SERPINB6: variants seen among roughly 807,000 people sequenced by gnomAD.
SERPINB6 encodes the protein serpin B6.
Under a neutral mutation model 26.1 loss-of-function variants are expected in SERPINB6, and 16 were observed. That is an observed-to-expected ratio of 0.61 (90% CI 0.42 to 0.93). The LOEUF is 0.93. SERPINB6 is among the 40% of genes least tolerant of loss of function. SERPINB6 has a pLI of 0.00. For missense variants in SERPINB6, 420 were observed against 478.0 expected (o/e 0.88, Z 1.13); for synonymous variants, 174 against 176.6 (o/e 0.99, Z 0.11).
At position 2,959,390 on chromosome 6, in the gene SERPINB6, G is replaced by A. The variant is rs1355762721; in HGVS notation, c.-10-48C>T. On this transcript the variant is annotated intron_variant, in intron 1 of 6. Coordinates refer to ENST00000380539, the MANE Select transcript of SERPINB6 (RefSeq NM_004568.6). ...TATCACTTAAGCACAGCTTCCACGC[G>A]ACTGCATCTCACGCGCCTTACCGAC... 15 of 1,592,962 alleles carry A rather than the reference G, an allele frequency of 9.4e-6. No homozygotes were observed. The South Asian group carries it at 9.9e-5, about 11-fold the overall frequency.
rs776835532 is a variant in SERPINB6 at position 2,948,312 on chromosome 6, A to G, written c.1117T>C (p.Phe373Leu). The change falls in exon 7 of 7, where the codon TTT (phenylalanine) becomes CTT (leucine). Residue 373 changes from phenylalanine to leucine, a missense_variant. Phe to Leu is a conservative substitution (Grantham distance 22, BLOSUM62 0). Coordinates refer to ENST00000380539, the MANE Select transcript of SERPINB6 (RefSeq NM_004568.6). The surrounding 1 kb of genome is among the most constrained non-coding windows in gnomAD (Gnocchi z 5.0). Reference sequence around the variant, plus strand: ...CTGCCCTGTCCTCACGGAGAGGAAAAGCGGCCGCAGAAGAGAATCCCGTTG... The same window carrying G: ...CTGCCCTGTCCTCACGGAGAGGAAAGGCGGCCGCAGAAGAGAATCCCGTTG... ...KTNGILFCGR[F>L]SSP 3 of 1,613,560 alleles carry G rather than the reference A, an allele frequency of 1.9e-6. No individual in the cohort carries two copies. In the African/African-American group the frequency reaches 4.0e-5, roughly 22 times the overall value.
intron 4 of SERPINB6, among the ~76,000 whole-genome samples, chr6:2,953,708 ACCTGTAGTC>A (rs1770087543): frequency 6.6e-6 from 1 of 152,038 alleles, no homozygotes; most frequent in African/African-American, 2.4e-5. Context: ...TGGTGGTGCT[ACCTGTAGTC>A]CCAATTACTT....
chr6:2,968,962 G>A, intron 1 of SERPINB6: 1 of 1,222,262 alleles, frequency 8.2e-7, no homozygotes, highest in Admixed American at 4.3e-5. Flanking sequence ...GGCTTCTACT[G>A]GATCTGTAAT....
rs267600931 is a variant in SERPINB6, at chr6:2,954,659, A to G, written c.363T>C (p.Leu121=). 7 of 1,614,092 alleles carry G rather than the reference A, an allele frequency of 4.3e-6. No individual in the cohort carries two copies. Among genetic ancestry groups the G allele is most frequent in the Non-Finnish European group, 5.9e-6 (7 of 1,180,016 alleles). Residue 121 remains leucine (L), a synonymous_variant, in exon 4 of 7, where the codon CTT becomes CTC. Transcript: ENST00000380539. ...QKFYQAEMEE[L]DFISAVEKSR... ...ACTTCTCTACGGCGCTGATAAAGTC[A>G]AGCTCCTCCATCTCTGCTTGGTAGA...
At chr6:2,968,946 T>C (rs982857263) in intron 1 of SERPINB6, 2 of 1,222,414 alleles carry the variant, frequency 1.6e-6, no homozygotes, top group East Asian at 6.4e-5. Context: ...CAGATGGGGG[T>C]CGGGGGGCTT....
At chr6:2,970,978 C>A in intron 1 of SERPINB6, 2 of 1,169,672 alleles carry the variant, frequency 1.7e-6, no homozygotes, top group Non-Finnish European at 2.1e-6. Flanking sequence ...CCGGATGGCA[C>A]CGTTTGGCGC....
intron 5 of SERPINB6, among the ~76,000 whole-genome samples, chr6:2,950,351 G>A (rs1432915984): frequency 6.6e-6 from 1 of 151,974 alleles, no homozygotes; most frequent in Admixed American, 6.6e-5. Flanking sequence ...TGGCCAACAT[G>A]GTGAAACCCC....
chr6:2,958,575 G>A (rs1182187440), intron 2 of SERPINB6, among the ~76,000 whole-genome samples: 1 of 87,470 alleles, frequency 1.1e-5, no homozygotes, highest in Non-Finnish European at 3.0e-5. Context: ...AGGCCCCAGC[G>A]GAGAAGGCCA....
chr6:2,968,025 A>G (rs1476734174), intron 1 of SERPINB6: 1 of 152,268 alleles, frequency 6.6e-6, no homozygotes, highest in Non-Finnish European at 1.5e-5. Flanking sequence ...CACTATTCAC[A>G]ATAGCAAAGA....
At position 2,955,604 on chromosome 6, in the gene SERPINB6, C is replaced by T. The variant is rs751225761; in HGVS notation, c.232G>A (p.Glu78Lys). Residue 78 changes from glutamate (E) to lysine (K), a missense_variant, in exon 3 of 7, where the codon GAA (glutamate) becomes AAA (lysine). Coordinates refer to ENST00000380539, the MANE Select transcript of SERPINB6 (RefSeq NM_004568.6). Reference protein sequence around the residue: ...IHQGFQSLLTEVNKTGTQYLL... With the variant: ...IHQGFQSLLTKVNKTGTQYLL... ...TACTGCGTGCCAGTCTTGTTCACTTCGGTGAGAAGAGACTGGAAGCCCTGG... is the reference window on the plus strand; with the variant it reads ...TACTGCGTGCCAGTCTTGTTCACTTTGGTGAGAAGAGACTGGAAGCCCTGG... 21 of 1,614,072 alleles carry T rather than the reference C, an allele frequency of 1.3e-5. No individual in the cohort carries two copies. The highest frequency in any genetic ancestry group is 8.0e-5 in the African/African-American group (6 of 74,910).
chr6:2,950,676 G>C (rs1466123705), intron 5 of SERPINB6, among the ~76,000 whole-genome samples: 1 of 152,150 alleles, frequency 6.6e-6, no homozygotes, highest in Admixed American at 6.5e-5. Context: ...ACCAACCCCA[G>C]CCAGCCAATG....
chr6:2,953,263 T>C, intron 4 of SERPINB6, 77 bp from the exon 5 acceptor site: 1 of 1,592,350 alleles, frequency 6.3e-7, no homozygotes, highest in Non-Finnish European at 8.6e-7. Flanking sequence ...GGCTGGGGCC[T>C]TCTCCTTCAG....
At position 2,955,584 on chromosome 6, in the gene SERPINB6, C is replaced by A. The variant is rs764205718; in HGVS notation, c.252G>T (p.Thr84=). 10 of 1,614,110 alleles carry A rather than the reference C, an allele frequency of 6.2e-6. No homozygotes were observed. Among genetic ancestry groups the A allele is most frequent in the African/African-American group, 2.7e-5 (2 of 74,942 alleles). Residue 84 remains threonine, a synonymous_variant, in exon 3 of 7, where the codon ACG becomes ACT. Coordinates refer to ENST00000380539, the MANE Select transcript of SERPINB6 (RefSeq NM_004568.6). ...SLLTEVNKTG[T]QYLLRMANRL... The stretch of plus-strand genomic sequence containing the variant: ...TGTTGGCCATCCTAAGCAAGTACTG[C>A]GTGCCAGTCTTGTTCACTTCGGTGA...
intron 4 of SERPINB6, 46 bp from the exon 5 acceptor site, chr6:2,953,232 A>G: frequency 6.2e-7 from 1 of 1,613,254 alleles, no homozygotes; most frequent in Non-Finnish European, 8.5e-7. Flanking sequence ...GCGGCTGCGG[A>G]TCCCCGACAC....
intron 2 of SERPINB6, 101 bp from the exon 3 acceptor site, chr6:2,955,771 T>A: frequency 7.6e-7 from 1 of 1,320,394 alleles, no homozygotes; most frequent in Non-Finnish European, 1.1e-6. Context: ...CAGACCCTTA[T>A]TACTGCTTAA....
At chr6:2,961,133 C>T (rs1771063439) in intron 1 of SERPINB6, 1 of 152,192 alleles carries the variant, frequency 6.6e-6, no homozygotes, top group Non-Finnish European at 1.5e-5. Flanking sequence ...GCCACGAATC[C>T]ATGGTCATTT....
chr6:2,953,194 G>C lies in SERPINB6; in HGVS notation c.431-8C>G, dbSNP rs1198305013. ...GCAACTCCGCAATTTTACCTGAGCG[G>C]AAGAATTCAAGACCGCATTAGATAG... On this transcript the variant is annotated splice_polypyrimidine_tract_variant and splice_region_variant and intron_variant, in intron 4 of 6. Coordinates refer to ENST00000380539, the MANE Select transcript of SERPINB6 (RefSeq NM_004568.6). 6.2e-7 allele frequency: 1 copy of C among 1,614,158 alleles called. No homozygotes were observed. The highest frequency in any genetic ancestry group is 1.7e-5 in the Admixed American group (1 of 60,032).
At chr6:2,949,766 C>T (rs1157855434) in intron 5 of SERPINB6, among the ~76,000 whole-genome samples, 1 of 152,198 alleles carries the variant, frequency 6.6e-6, no homozygotes, top group African/African-American at 2.4e-5. Flanking sequence ...GGACACCCTT[C>T]CCTGGCTCCC....
rs1378657152 is a variant in SERPINB6 at position 2,948,976 on chromosome 6, A to G, written c.667T>C (p.Tyr223His). ...EIFTQILVLP[Y>H]VGKELNMIIM... The stretch of plus-strand genomic sequence containing the variant: ...ATCATATTCAGTTCCTTGCCAACAT[A>G]TGGAAGCACCAAGATTTGGGTAAAT... The change falls in exon 6 of 7, where the codon TAT becomes CAT. Residue 223 changes from tyrosine to histidine, a missense_variant. Coordinates refer to ENST00000380539, the MANE Select transcript of SERPINB6 (RefSeq NM_004568.6). This position sits in a 1 kb window ranked among gnomAD's most constrained non-coding sequence, Gnocchi z 5.0. The G allele has an allele frequency of 2.5e-6, 4 of 1,614,132 alleles. No individual in the cohort carries two copies. Among genetic ancestry groups the G allele is most frequent in the East Asian group, 2.2e-5 (1 of 44,900 alleles).
Sources: allele counts gnomAD v4.1 joint callset (sites outside exome capture counted in the v4.1 genomes callset), GRCh38; gene constraint gnomAD v4.1.1; non-coding constraint Gnocchi (gnomAD v3.1); transcripts MANE v1.5; gene names NCBI Gene and HGNC (gene_info 2026-07-23, HGNC 2026-07-21).